The following MARCHF1 variants were observed in gnomAD, a reference collection of about 807,000 sequenced individuals.
MARCHF1 encodes membrane associated ring-CH-type finger 1, also known as E3 ubiquitin-protein ligase MARCHF1.
A neutral mutation model predicts 54.2 loss-of-function variants in MARCHF1; 40 were observed. That is an observed-to-expected ratio of 0.74 (90% CI 0.57 to 0.96). The LOEUF (loss-of-function observed/expected upper bound fraction) is 0.96. Ranked by LOEUF, MARCHF1 falls within the 40% of genes least tolerant of loss-of-function variation. The pLI is 0.00. For synonymous variants in MARCHF1, 236 were observed against 236.3 expected, an observed-to-expected ratio of 1.00 and a Z score of 0.01; for missense variants, 586 against 656.5, an observed-to-expected ratio of 0.89 and a Z score of 1.17.
At chr4:164,252,456 T>G (rs969056380) in intron 1 of MARCHF1, among the ~76,000 whole-genome samples, 3 of 152,126 alleles carry the variant, frequency 2.0e-5, no homozygotes, top group African/African-American at 7.2e-5. Flanking sequence ...TGGAAGCTGC[T>G]TCCCAATATA....
At chr4:164,257,068 G>A (rs1733308597) in intron 1 of MARCHF1, among the ~76,000 whole-genome samples, 1 of 152,034 alleles carries the variant, frequency 6.6e-6, no homozygotes. Flanking sequence ...TCCTTATGAA[G>A]AAGTCAAAGA....
intron 4 of MARCHF1, among the ~76,000 whole-genome samples, chr4:163,813,929 G>A (rs561968307): frequency 2.8e-4 from 42 of 152,210 alleles, no homozygotes; most frequent in African/African-American, 8.7e-4. Context: ...AGGGTGGAAG[G>A]CTGTCCTGAT....
intron 1 of MARCHF1, among the ~76,000 whole-genome samples, chr4:164,377,959 A>T (rs940166386): frequency 6.6e-6 from 1 of 152,184 alleles, no homozygotes; most frequent in Non-Finnish European, 1.5e-5. Flanking sequence ...ATCACTGTAC[A>T]TCTATGTTTA....
intron 8 of MARCHF1, among the ~76,000 whole-genome samples, chr4:163,576,751 G>C (rs1181188746): frequency 6.6e-6 from 1 of 151,698 alleles, no homozygotes; most frequent in Non-Finnish European, 1.5e-5. Flanking sequence ...TATATATTTA[G>C]GATGGTTAAA....
At chr4:163,949,720 T>A (rs1752095624) in intron 3 of MARCHF1, among the ~76,000 whole-genome samples, 1 of 151,974 alleles carries the variant, frequency 6.6e-6, no homozygotes, top group Non-Finnish European at 1.5e-5. Context: ...AGACCCACAG[T>A]GGGTAGCTCC....
chr4:163,837,199 A>T (rs1333178854), intron 4 of MARCHF1, among the ~76,000 whole-genome samples: 1 of 152,174 alleles, frequency 6.6e-6, no homozygotes, highest in Non-Finnish European at 1.5e-5. Flanking sequence ...ATCCAGTGCT[A>T]ATAGACTTGG....
intron 5 of MARCHF1, among the ~76,000 whole-genome samples, chr4:163,638,833 C>G (rs776152079): frequency 1.6e-4 from 24 of 152,118 alleles, no homozygotes; most frequent in Non-Finnish European, 2.9e-4. Flanking sequence ...TATCTATACA[C>G]ACACAATAGA....
intron 2 of MARCHF1, among the ~76,000 whole-genome samples, chr4:164,093,042 T>TAA (rs1755337347): frequency 6.6e-6 from 1 of 152,168 alleles, no homozygotes; most frequent in African/African-American, 2.4e-5. Flanking sequence ...CTGGGTAAGA[T>TAA]GGAATGCATG....
At chr4:164,231,888 C>T (rs911574144) in intron 1 of MARCHF1, among the ~76,000 whole-genome samples, 1 of 152,132 alleles carries the variant, frequency 6.6e-6, no homozygotes, top group Admixed American at 6.6e-5. Context: ...TTACTAATTA[C>T]GGACAACTAT....
At chr4:164,247,889 C>T (rs1284243293) in intron 1 of MARCHF1, among the ~76,000 whole-genome samples, 2 of 150,174 alleles carry the variant, frequency 1.3e-5, no homozygotes, top group Non-Finnish European at 3.0e-5. Flanking sequence ...AATTAGGCTT[C>T]CCTTTTTGAC....
chr4:164,041,810 T>C (rs1459329283), intron 2 of MARCHF1, among the ~76,000 whole-genome samples: 2 of 152,162 alleles, frequency 1.3e-5, no homozygotes, highest in African/African-American at 4.8e-5. Context: ...TGAGAAGCAT[T>C]GATCTAAAGA....
intron 4 of MARCHF1, among the ~76,000 whole-genome samples, chr4:163,798,633 A>G (rs764176560): frequency 1.3e-5 from 2 of 152,136 alleles, no homozygotes; most frequent in Non-Finnish European, 2.9e-5. Context: ...GTAATTGTTG[A>G]GTAGCCCTTC....
intron 4 of MARCHF1, among the ~76,000 whole-genome samples, chr4:163,703,654 G>T (rs571101240): frequency 6.6e-6 from 1 of 152,090 alleles, no homozygotes; most frequent in Non-Finnish European, 1.5e-5. Context: ...TTCCTAACAA[G>T]TCTGCGTGGA....
intron 8 of MARCHF1, among the ~76,000 whole-genome samples, chr4:163,560,266 A>C (rs1739425944): frequency 1.3e-5 from 2 of 152,072 alleles, no homozygotes; most frequent in Non-Finnish European, 2.9e-5. Flanking sequence ...GATATAGATA[A>C]TTTTTTTACA....
At chr4:164,108,157 C>A (rs1027220420) in intron 2 of MARCHF1, among the ~76,000 whole-genome samples, 1 of 152,056 alleles carries the variant, frequency 6.6e-6, no homozygotes, top group Non-Finnish European at 1.5e-5. Context: ...AACATGGAAT[C>A]AAGACCTTTC....
At chr4:164,117,614 C>T (rs2915266) in intron 1 of MARCHF1, among the ~76,000 whole-genome samples, 148,962 of 152,174 alleles carry the variant, frequency 0.98, 73,021 homozygotes, top group East Asian at 1. Flanking sequence ...AAAATCAACA[C>T]TGAAGCTGGG....
intron 2 of MARCHF1, among the ~76,000 whole-genome samples, chr4:164,082,658 A>G (rs562313832): frequency 5.3e-5 from 8 of 152,300 alleles, no homozygotes; most frequent in African/African-American, 1.9e-4. Flanking sequence ...TGGGCATCAT[A>G]TGTTGTTCAG....
intron 5 of MARCHF1, among the ~76,000 whole-genome samples, chr4:163,617,904 CATA>C (rs1741566366): frequency 6.6e-6 from 1 of 152,118 alleles, no homozygotes; most frequent in Non-Finnish European, 1.5e-5. Flanking sequence ...TAGACATGAT[CATA>C]ATAAAACAAA....
At chr4:163,925,932 C>T (rs1751527066) in intron 3 of MARCHF1, among the ~76,000 whole-genome samples, 1 of 151,548 alleles carries the variant, frequency 6.6e-6, no homozygotes. Context: ...TTCTCCCCTT[C>T]CAGGAAGTAT....
Sources: gnomAD v4.1 joint callset for allele counts (sites outside exome capture counted in the v4.1 genomes callset) on GRCh38, gnomAD v4.1.1 for gene constraint, MANE v1.5 for transcripts, NCBI Gene and HGNC (gene_info 2026-07-23, HGNC 2026-07-21) for gene names.